KIFC3: variants seen among roughly 807,000 people sequenced by gnomAD.
The protein encoded by KIFC3 is kinesin-like protein KIFC3.
In KIFC3, 60 loss-of-function variants were observed where a neutral mutation model predicts 101.8. The observed-to-expected ratio is 0.59, with a 90% CI of 0.48 to 0.73. KIFC3 has a LOEUF of 0.73. Among genes scored for constraint, KIFC3 ranks in the 30% least tolerant of loss-of-function variants. KIFC3 has a pLI of 0.00. For missense variants in KIFC3, 966 were observed against 1,137.1 expected, an observed-to-expected ratio of 0.85 and a Z score of 2.16; for synonymous variants, 476 against 482.7, an observed-to-expected ratio of 0.99 and a Z score of 0.18.
intron 3 of KIFC3, among the ~76,000 whole-genome samples, chr16:57,794,241 T>C (rs1555621616): frequency 1.3e-5 from 2 of 151,790 alleles, no homozygotes; most frequent in Admixed American, 6.6e-5. Context: ...TCTTTTCTTT[T>C]TTTTTTTTTG....
At chr16:57,774,879 A>AT in intron 3 of KIFC3, 1 of 1,401,928 alleles carries the variant, frequency 7.1e-7, no homozygotes, top group Non-Finnish European at 9.3e-7. Flanking sequence ...CTACCCTGAC[A>AT]TAAGTGAACT....
At chr16:57,761,800 G>A (rs531026647) in intron 13 of KIFC3, among the ~76,000 whole-genome samples, 3 of 152,238 alleles carry the variant, frequency 2.0e-5, no homozygotes, top group South Asian at 2.1e-4. Context: ...CCACAGGTAG[G>A]GGCAAGGATT....
At chr16:57,759,219 G>T in intron 18 of KIFC3, 66 bp from the exon 19 acceptor site, 1 of 1,527,706 alleles carries the variant, frequency 6.5e-7, no homozygotes, top group Non-Finnish European at 8.9e-7. Flanking sequence ...ACAAGACCCT[G>T]CTGCTGCTAC....
In KIFC3 at chr16:57,771,456, A is replaced by C. The variant is rs1487070505; in HGVS notation, c.526-19T>G. On this transcript the variant is annotated intron_variant, in intron 5 of 19. Transcript: ENST00000445690. ...CGCTCTCCTGCAGCCATTGGGAGGC[A>C]CTGGATGAGTGCAAGGGACAGGCTC... is the stretch of plus-strand genomic sequence containing the variant. The C allele has an allele frequency of 6.2e-7, 1 of 1,613,408 alleles. No individual in the cohort carries two copies.
intron 2 of KIFC3, 111 bp downstream of exon 2, chr16:57,797,961 T>C: frequency 5.2e-6 from 8 of 1,543,800 alleles, no homozygotes; most frequent in Non-Finnish European, 7.0e-6. Flanking sequence ...TACCCTGTAA[T>C]TACCTGACAG....
intron 3 of KIFC3, chr16:57,788,500 A>G: frequency 8.2e-7 from 1 of 1,213,078 alleles, no homozygotes; most frequent in East Asian, 5.7e-5. Context: ...TGGGGATATC[A>G]CCAACTGCAC....
intron 3 of KIFC3, among the ~76,000 whole-genome samples, chr16:57,794,397 T>G (rs2054132736): frequency 6.6e-6 from 1 of 151,926 alleles, no homozygotes; most frequent in Non-Finnish European, 1.5e-5. Context: ...AATTTTTTAT[T>G]TTTCTTTTTG....
At position 57,769,083 on chromosome 16, in the gene KIFC3, A is replaced by G. The variant is rs2050839382; in HGVS notation, c.1218+512T>C. On this transcript the variant is annotated intron_variant, in intron 9 of 19. Coordinates refer to ENST00000445690, the MANE Select transcript of KIFC3 (RefSeq NM_001130100.2). This position sits in a 1 kb window ranked among gnomAD's most constrained non-coding sequence, Gnocchi z 4.3. ...TAAAGTCTCGCTGTCACACAGGCTG[A>G]AGTGCAGTGGCATGATCTTGGTTCA... Among the ~76,000 whole-genome samples, 1 of 152,172 alleles carries G rather than the reference A, an allele frequency of 6.6e-6. No homozygotes were observed. The highest frequency in any genetic ancestry group is 1.5e-5 in the Non-Finnish European group (1 of 68,030).
intron 1 of KIFC3, among the ~76,000 whole-genome samples, chr16:57,861,656 G>A (rs143818338): frequency 6.6e-6 from 1 of 152,202 alleles, no homozygotes; most frequent in East Asian, 1.9e-4. Context: ...GGAGCCATGT[G>A]ATCAAAATAA....
rs868950016 is a variant in KIFC3, at chr16:57,770,652, G to C, written c.814C>G (p.Leu272Val). ...EVESSKTKQA[L>V]SESQARNQHL... is the part of the protein sequence containing the mutation. ...TGGTTCCGGGCCTGGGACTCGCTGA[G>C]GGCCTGCTTGGTCTTGGACGACTCC... The change falls in exon 7 of 20, where the codon CTC (leucine) becomes GTC (valine). Residue 272 changes from leucine (L) to valine (V), a missense_variant. Coordinates refer to ENST00000445690, the MANE Select transcript of KIFC3 (RefSeq NM_001130100.2). 8 of 1,558,940 alleles carry C rather than the reference G, an allele frequency of 5.1e-6. No individual in the cohort carries two copies. The highest frequency in any genetic ancestry group is 5.2e-6 in the Non-Finnish European group (6 of 1,152,160).
At chr16:57,825,975 G>A (rs1320090840) in intron 1 of KIFC3, among the ~76,000 whole-genome samples, 1 of 152,244 alleles carries the variant, frequency 6.6e-6, no homozygotes, top group African/African-American at 2.4e-5. Context: ...ATGAGCCATT[G>A]CACCTGGCTT....
At chr16:57,795,257 C>G in intron 2 of KIFC3, 116 bp from the exon 3 acceptor site, 1 of 1,253,304 alleles carries the variant, frequency 8.0e-7, no homozygotes, top group Non-Finnish European at 1.1e-6. Flanking sequence ...CCTGGCTGGT[C>G]CAGATGTGGC....
chr16:57,847,760 T>TTGTGTGTGTGTGTGTG (rs35081728), intron 1 of KIFC3, among the ~76,000 whole-genome samples: 8 of 139,710 alleles, frequency 5.7e-5, no homozygotes, highest in African/African-American at 8.0e-5. Context: ...CCAGATGAAT[T>TTGTGTGTGTGTGTGTG]TGTGTGTGTG....
chr16:57,831,450 C>T (rs1315897613), intron 1 of KIFC3, among the ~76,000 whole-genome samples: 10 of 152,154 alleles, frequency 6.6e-5, no homozygotes, highest in African/African-American at 1.9e-4. Flanking sequence ...GAGGCCAAGG[C>T]GGGAGGATCA....
intron 1 of KIFC3, among the ~76,000 whole-genome samples, chr16:57,811,539 G>A (rs917696716): frequency 4.0e-5 from 6 of 151,538 alleles, no homozygotes; most frequent in Non-Finnish European, 7.4e-5. Context: ...CCTGGGCAAC[G>A]TGGCAAGACC....
intron 4 of KIFC3, 69 bp from the exon 5 acceptor site, chr16:57,771,755 G>T (rs908843807): frequency 1.3e-6 from 2 of 1,527,140 alleles, no homozygotes; most frequent in African/African-American, 1.4e-5. Flanking sequence ...AGAGAGGCCC[G>T]CGGAGATGGC....
At chr16:57,827,277 G>A (rs879949451) in intron 1 of KIFC3, among the ~76,000 whole-genome samples, 4 of 152,330 alleles carry the variant, frequency 2.6e-5, no homozygotes, top group Admixed American at 2.0e-4. Context: ...GCTTCCCTTG[G>A]GCCATGGCCA....
intron 1 of KIFC3, among the ~76,000 whole-genome samples, chr16:57,854,629 G>GAAA (rs59106449): frequency 4.6e-5 from 6 of 131,222 alleles, no homozygotes; most frequent in African/African-American, 9.0e-5. Context: ...CTCCGTCTCA[G>GAAA]AAAAAAAAAA....
intron 11 of KIFC3, 28 bp from the exon 12 acceptor site, chr16:57,764,275 T>TGGGGGGTGGGGGGGGGGG: frequency 1.9e-6 from 1 of 539,934 alleles, no homozygotes; most frequent in Non-Finnish European, 3.5e-6. Context: ...GGGAGGCTGG[T>TGGGGGGTGGGGGGGGGGG]GGGGGGGCTT....
Sources: allele counts gnomAD v4.1 joint callset (sites outside exome capture counted in the v4.1 genomes callset), GRCh38; gene constraint gnomAD v4.1.1; non-coding constraint Gnocchi (gnomAD v3.1); transcripts MANE v1.5; gene names NCBI Gene and HGNC (gene_info 2026-07-23, HGNC 2026-07-21).